Variants in RANBP17 observed in about 807,000 individuals in gnomAD.
The protein encoded by RANBP17 is ran-binding protein 17.
Under a neutral mutation model 141.2 loss-of-function variants are expected in RANBP17, and 158 were observed. The ratio of observed to expected loss-of-function variants is 1.12; its 90% CI spans 0.98 to 1.28. The LOEUF (loss-of-function observed/expected upper bound fraction) is 1.28, where lower values mean the gene tolerates loss of function less well. Ranked by LOEUF, RANBP17 falls within the 50% of genes most tolerant of loss-of-function variation. RANBP17 has a pLI of 0.00. For missense variants in RANBP17, 1,438 were observed against 1,290.7 expected (o/e 1.11, Z -1.75); for synonymous variants, 430 against 450.0 (o/e 0.96, Z 0.56).
In RANBP17 at chr5:170,878,243, AGTAAGTATTTG is replaced by A; in HGVS notation, c.165+5_165+15del. 6.2e-7 allele frequency: 1 copy of A among 1,604,256 alleles called. No homozygotes were observed. The highest frequency in any genetic ancestry group is 8.5e-7 in the Non-Finnish European group (1 of 1,175,790). The stretch of plus-strand genomic sequence containing the variant: ...GTCAACTTTTATTAGAACAAGGAAC[AGTAAGTATTTG>A]GTAACAATGATTAACCATGAAAGAT... On this transcript the variant is annotated splice_donor_variant and splice_donor_5th_base_variant and intron_variant, in intron 2 of 27. Coordinates refer to ENST00000523189, the MANE Select transcript of RANBP17 (RefSeq NM_022897.5). LOFTEE classifies it high-confidence loss of function.
At chr5:170,884,583 G>A (rs924017496) in intron 3 of RANBP17, among the ~76,000 whole-genome samples, 3 of 151,796 alleles carry the variant, frequency 2.0e-5, no homozygotes, top group Admixed American at 6.6e-5. Flanking sequence ...TTGGTCTTGC[G>A]GTCTCGGGGT....
At chr5:171,041,948 G>T (rs1043952327) in intron 14 of RANBP17, among the ~76,000 whole-genome samples, 3 of 151,966 alleles carry the variant, frequency 2.0e-5, no homozygotes, top group African/African-American at 7.2e-5. Flanking sequence ...CTGTGTCCAT[G>T]TGTTCTCATT....
At chr5:171,120,512 A>G (rs555596187) in intron 14 of RANBP17, among the ~76,000 whole-genome samples, 3 of 152,304 alleles carry the variant, frequency 2.0e-5, no homozygotes, top group African/African-American at 4.8e-5. Flanking sequence ...GAAGCTGTCA[A>G]TTGTATTTTT....
chr5:170,958,313 G>T (rs1190823289), intron 13 of RANBP17, among the ~76,000 whole-genome samples: 1 of 152,168 alleles, frequency 6.6e-6, no homozygotes, highest in East Asian at 1.9e-4. Flanking sequence ...GTTATGAACA[G>T]GAATGGTGGT....
intron 11 of RANBP17, among the ~76,000 whole-genome samples, chr5:170,923,268 T>C (rs925157026): frequency 1.3e-5 from 2 of 152,198 alleles, no homozygotes; most frequent in African/African-American, 4.8e-5. Flanking sequence ...GACTATCCTT[T>C]CTCCATTGAA....
At chr5:170,865,070 T>C (rs72840909) in intron 1 of RANBP17, among the ~76,000 whole-genome samples, 5,976 of 152,216 alleles carry the variant, frequency 0.039, 170 homozygotes, top group Non-Finnish European at 0.063. Flanking sequence ...TTGTTGTTGT[T>C]GTCGTTTGTT....
At chr5:171,225,585 C>T (rs1383611824) in intron 22 of RANBP17, among the ~76,000 whole-genome samples, 3 of 151,828 alleles carry the variant, frequency 2.0e-5, no homozygotes, top group Admixed American at 6.6e-5. Context: ...CTGTTTATCT[C>T]TTTGGTAAGC....
At chr5:170,882,735 G>A (rs1768818810) in intron 3 of RANBP17, among the ~76,000 whole-genome samples, 1 of 152,158 alleles carries the variant, frequency 6.6e-6, no homozygotes, top group Non-Finnish European at 1.5e-5. Context: ...TTATTAGGAA[G>A]ATAATTTATA....
chr5:170,862,071 CGG>C lies in RANBP17; in HGVS notation c.18+22_18+23del, dbSNP rs1766826357. ...TTCCAGGTCAGTGTGCTCTGCGCCG[CGG>C]GCCCGCGCTCCGCCACGCTGGGAAC... On this transcript the variant is annotated intron_variant, in intron 1 of 27. Transcript: ENST00000523189. 1 of 1,446,712 alleles carries C rather than the reference CGG, an allele frequency of 6.9e-7. No individual in the cohort carries two copies. The highest frequency in any genetic ancestry group is 9.0e-7 in the Non-Finnish European group (1 of 1,106,008). The allele number at this position is 1,446,712 out of a possible 1,614,324, so 89.6% of individuals were successfully genotyped here. A position where few individuals can be genotyped will look rare whatever the true frequency, so the allele number is the denominator to read the frequency against.
At chr5:170,863,928 T>C (rs140043849) in intron 1 of RANBP17, among the ~76,000 whole-genome samples, 6 of 152,328 alleles carry the variant, frequency 3.9e-5, no homozygotes, top group African/African-American at 1.4e-4. Flanking sequence ...CAGACAGTTT[T>C]GTTGACTAGA....
chr5:171,103,297 C>T (rs1213591568), intron 14 of RANBP17, among the ~76,000 whole-genome samples: 1 of 152,188 alleles, frequency 6.6e-6, no homozygotes, highest in African/African-American at 2.4e-5. Context: ...AGATGCCCTG[C>T]CCAGAGAGGA....
chr5:171,228,241 G>A (rs1011735558), intron 22 of RANBP17, among the ~76,000 whole-genome samples: 1 of 152,220 alleles, frequency 6.6e-6, no homozygotes, highest in Non-Finnish European at 1.5e-5. Flanking sequence ...TGATTCACAG[G>A]AGGAGGTGAA....
In RANBP17 at chr5:171,058,574, G is replaced by C. The variant is rs554835266; in HGVS notation, c.1710+90197G>C. ...TCCAGTCTATCATTGTTGGACATTTGGGTTGGTTCCAAGTCTTTGCTATTT... is the reference window on the plus strand; with the variant it reads ...TCCAGTCTATCATTGTTGGACATTTCGGTTGGTTCCAAGTCTTTGCTATTT... On this transcript the variant is annotated intron_variant, in intron 14 of 27. Transcript: ENST00000523189. Among the ~76,000 whole-genome samples the C allele has an allele frequency of 9.9e-4, 149 of 151,210 alleles. 1 individual carries two copies. Among genetic ancestry groups the C allele is most frequent in the Non-Finnish European group, 1.8e-3 (125 of 67,842 alleles).
chr5:171,077,604 G>A (rs928771233), intron 14 of RANBP17, among the ~76,000 whole-genome samples: 1 of 152,106 alleles, frequency 6.6e-6, no homozygotes, highest in South Asian at 2.1e-4. Flanking sequence ...TAATAACTGT[G>A]GTTTCTAAGG....
intron 12 of RANBP17, among the ~76,000 whole-genome samples, chr5:170,951,078 T>G (rs538147018): frequency 6.6e-6 from 1 of 152,128 alleles, no homozygotes; most frequent in African/African-American, 2.4e-5. Context: ...GTGGGTGGAC[T>G]GGGGAGTGGG....
intron 14 of RANBP17, among the ~76,000 whole-genome samples, chr5:171,090,970 A>G (rs145789253): frequency 0.026 from 4,025 of 152,308 alleles, 175 homozygotes; most frequent in African/African-American, 0.091. Context: ...CTGCTAGGGC[A>G]GTGCAGAAGG....
In RANBP17 at chr5:171,089,706, G is replaced by A. The variant is rs1581608240; in HGVS notation, c.1711-80424G>A. Among the ~76,000 whole-genome samples the A allele has an allele frequency of 3.3e-5, 5 of 152,296 alleles. No individual in the cohort carries two copies. The South Asian group carries it at 1.0e-3, about 32-fold the overall frequency. On this transcript the variant is annotated intron_variant, in intron 14 of 27. Transcript: ENST00000523189. ...GTCTGAAAAGCGCAATATTCGGGTG[G>A]GAGTGACCCGATTTTCCAGGTGCGT...
At position 170,968,371 on chromosome 5, in the gene RANBP17, C is replaced by G. The variant is rs1260819517; in HGVS notation, c.1704C>G (p.Thr568=). 6 of 1,603,320 alleles carry G rather than the reference C, an allele frequency of 3.7e-6. No homozygotes were observed. Among genetic ancestry groups the G allele is most frequent in the Non-Finnish European group, 5.1e-6 (6 of 1,176,050 alleles). ...KTYVGDQLQR[T]SKVYARMSEV... is the part of the protein sequence containing the mutation. ...ATGTTGGTGATCAACTTCAAAGAACCTCAAAGGTAGGTTTCTACTAGAGAG... is the reference window on the plus strand; with the variant it reads ...ATGTTGGTGATCAACTTCAAAGAACGTCAAAGGTAGGTTTCTACTAGAGAG... Residue 568 remains threonine, a synonymous_variant, in exon 14 of 28, where the codon ACC becomes ACG. Coordinates refer to ENST00000523189, the MANE Select transcript of RANBP17 (RefSeq NM_022897.5).
At position 171,055,879 on chromosome 5, in the gene RANBP17, CCAAAAAAAAAAAAAAAA is replaced by C. The variant is rs201684424; in HGVS notation, c.1710+87515_1710+87531del. On this transcript the variant is annotated intron_variant, in intron 14 of 27. Coordinates refer to ENST00000523189, the MANE Select transcript of RANBP17 (RefSeq NM_022897.5). ...CAGTTTCTCCAGTTGTGTCCTGTTG[CCAAAAAAAAAAAAAAAA>C]CAAAAAAAAAAACATTCTTATTACA... is the stretch of plus-strand genomic sequence containing the variant. Among the ~76,000 whole-genome samples the C allele has an allele frequency of 4.0e-3, 191 of 47,368 alleles. 4 individuals are homozygous for C. The East Asian group carries it at 0.12, about 29-fold the overall frequency. 31.1% of individuals were successfully genotyped at this position (47,368 alleles called of 152,430 possible).
Sources: gnomAD v4.1 joint callset for allele counts (sites outside exome capture counted in the v4.1 genomes callset) on GRCh38, gnomAD v4.1.1 for gene constraint, MANE v1.5 for transcripts, NCBI Gene and HGNC (gene_info 2026-07-23, HGNC 2026-07-21) for gene names.